WARS2: variants seen among roughly 807,000 people sequenced by gnomAD.
The protein encoded by WARS2 is tryptophanyl tRNA synthetase 2, mitochondrial, also known as tryptophan--tRNA ligase, mitochondrial.
Under a neutral mutation model 36.5 loss-of-function variants are expected in WARS2, and 28 were observed. The ratio of observed to expected loss-of-function variants is 0.77; its 90% CI spans 0.57 to 1.05. WARS2 has a LOEUF of 1.05. WARS2 is among the 50% of genes least tolerant of loss of function. WARS2 has a pLI of 0.00. For missense variants in WARS2, 435 were observed against 456.8 expected, an observed-to-expected ratio of 0.95 and a Z score of 0.44; for synonymous variants, 174 against 178.4, an observed-to-expected ratio of 0.98 and a Z score of 0.20.
chr1:119,046,742 T>C (rs915676370), intron 2 of WARS2, among the ~76,000 whole-genome samples: 11 of 151,148 alleles, frequency 7.3e-5, no homozygotes, highest in Admixed American at 6.6e-4. Flanking sequence ...GTTTCTTTAC[T>C]CTGGGGATTA....
At chr1:119,080,624 G>T (rs1557966766) in intron 1 of WARS2, among the ~76,000 whole-genome samples, 1 of 152,212 alleles carries the variant, frequency 6.6e-6, no homozygotes, top group Admixed American at 6.5e-5. Context: ...AGAGCATCCT[G>T]CTCTTCTGCA....
At chr1:119,065,809 A>T (rs1201531573) in intron 2 of WARS2, among the ~76,000 whole-genome samples, 2 of 152,170 alleles carry the variant, frequency 1.3e-5, no homozygotes, top group Admixed American at 1.3e-4. Flanking sequence ...GGTTATAAAC[A>T]TTTCAGCTTT....
At chr1:119,085,995 G>A in intron 1 of WARS2, 1 of 1,600,130 alleles carries the variant, frequency 6.2e-7, no homozygotes. Context: ...TCAGTGCCCA[G>A]GCAAGGCAGT....
chr1:119,113,103 T>C (rs917886110), intron 1 of WARS2, among the ~76,000 whole-genome samples: 6 of 152,272 alleles, frequency 3.9e-5, no homozygotes, highest in East Asian at 1.9e-4. Context: ...AAGGTGATAT[T>C]TGTGAAGTTA....
chr1:119,121,853 A>G (rs896575391), intron 1 of WARS2, among the ~76,000 whole-genome samples: 1 of 152,218 alleles, frequency 6.6e-6, no homozygotes, highest in East Asian at 1.9e-4. Flanking sequence ...TAGAATAACG[A>G]AACTGGATCC....
intron 1 of WARS2, among the ~76,000 whole-genome samples, chr1:119,080,730 G>A (rs1652124156): frequency 6.6e-6 from 1 of 152,320 alleles, no homozygotes; most frequent in East Asian, 1.9e-4. Context: ...AAATCATGGG[G>A]TTGGAATGTG....
chr1:119,139,162 A>G (rs997112995), intron 1 of WARS2, among the ~76,000 whole-genome samples: 1 of 152,170 alleles, frequency 6.6e-6, no homozygotes, highest in Admixed American at 6.5e-5. Flanking sequence ...CAAACCCTCA[A>G]ATTTCAAGGA....
At chr1:119,135,715 C>CAGATAGACAGAT (rs1553183254) in intron 1 of WARS2, among the ~76,000 whole-genome samples, 4 of 146,966 alleles carry the variant, frequency 2.7e-5, no homozygotes, top group African/African-American at 1.0e-4. Context: ...ATTAGATAGA[C>CAGATAGACAGAT]AGATAGATAG....
chr1:119,035,891 T>C (rs1297941205), intron 4 of WARS2, among the ~76,000 whole-genome samples: 3 of 152,148 alleles, frequency 2.0e-5, no homozygotes, highest in Non-Finnish European at 4.4e-5. Flanking sequence ...CCCAGAGTGG[T>C]TTCTCTTCTT....
At chr1:119,102,061 G>A (rs889915056) in intron 1 of WARS2, among the ~76,000 whole-genome samples, 3 of 150,746 alleles carry the variant, frequency 2.0e-5, no homozygotes, top group East Asian at 2.0e-4. Context: ...CGGTGGTGGC[G>A]GTGGGGGTTG....
chr1:119,039,436 AAAAG>A (rs1292345961), intron 4 of WARS2, among the ~76,000 whole-genome samples: 1 of 152,154 alleles, frequency 6.6e-6, no homozygotes, highest in Non-Finnish European at 1.5e-5. Flanking sequence ...GAGAGAGAGA[AAAAG>A]AGAGAGAGAG....
At chr1:119,052,915 G>C (rs1205254892) in intron 2 of WARS2, among the ~76,000 whole-genome samples, 1 of 152,206 alleles carries the variant, frequency 6.6e-6, no homozygotes, top group Non-Finnish European at 1.5e-5. Context: ...AAGAGCAAGA[G>C]AGCTAGAGCA....
In WARS2 at chr1:119,032,855, A is replaced by G; in HGVS notation, c.*56T>C. 6.7e-7 allele frequency: 1 copy of G among 1,488,488 alleles called. No individual in the cohort carries two copies. 92.2% of individuals were successfully genotyped at this position (1,488,488 alleles called of 1,614,324 possible). On this transcript the variant is annotated 3_prime_UTR_variant, in exon 6 of 6. Coordinates refer to ENST00000235521, the MANE Select transcript of WARS2 (RefSeq NM_015836.4). ...TTTTCTTTTTAGGAAAGCTGCCGTTATCAGAATGCATGGAGTGCAAGGCAC... is the reference window on the plus strand; with the variant it reads ...TTTTCTTTTTAGGAAAGCTGCCGTTGTCAGAATGCATGGAGTGCAAGGCAC...
intron 1 of WARS2, among the ~76,000 whole-genome samples, chr1:119,100,767 T>C (rs1653797871): frequency 6.6e-6 from 1 of 152,100 alleles, no homozygotes; most frequent in African/African-American, 2.4e-5. Context: ...CTCAAGTGAT[T>C]CACCCACCTC....
chr1:119,118,623 T>C (rs768250358), intron 1 of WARS2, among the ~76,000 whole-genome samples: 4 of 152,124 alleles, frequency 2.6e-5, no homozygotes, highest in Non-Finnish European at 4.4e-5. Flanking sequence ...CCTAGGCACA[T>C]AGTCATCAGT....
chr1:119,112,557 C>T (rs776442384), intron 1 of WARS2, among the ~76,000 whole-genome samples: 1 of 152,142 alleles, frequency 6.6e-6, no homozygotes, highest in Non-Finnish European at 1.5e-5. Flanking sequence ...ACATCTCTTC[C>T]GTTGTGTCTT....
intron 1 of WARS2, among the ~76,000 whole-genome samples, chr1:119,128,499 CCTCAA>C (rs1480352656): frequency 2.6e-5 from 4 of 152,018 alleles, no homozygotes; most frequent in Admixed American, 6.6e-5. Flanking sequence ...TTTTTTAATT[CCTCAA>C]CTCTGGTCTT....
intron 2 of WARS2, among the ~76,000 whole-genome samples, chr1:119,067,186 T>A (rs1030636833): frequency 5.3e-5 from 8 of 152,126 alleles, no homozygotes; most frequent in Non-Finnish European, 8.8e-5. Context: ...TTTTAAAACA[T>A]GCAAAACAAA....
At chr1:119,116,820 G>A (rs887522752) in intron 1 of WARS2, among the ~76,000 whole-genome samples, 4 of 152,198 alleles carry the variant, frequency 2.6e-5, no homozygotes, top group African/African-American at 9.7e-5. Context: ...CTGGGGAGAG[G>A]CCACAGGCTA....
Sources: gnomAD v4.1 joint callset for allele counts (sites outside exome capture counted in the v4.1 genomes callset) on GRCh38, gnomAD v4.1.1 for gene constraint, MANE v1.5 for transcripts, NCBI Gene and HGNC (gene_info 2026-07-23, HGNC 2026-07-21) for gene names.